Variants in CLPB observed in about 807,000 individuals in gnomAD.
CLPB encodes the protein ClpB family mitochondrial disaggregase.
Under a neutral mutation model 78.4 loss-of-function variants are expected in CLPB, and 40 were observed. That is an observed-to-expected ratio of 0.51 (90% CI 0.40 to 0.66). The LOEUF is 0.66. Among genes scored for constraint, CLPB ranks in the 30% least tolerant of loss-of-function variants. The pLI is 0.00. For missense variants in CLPB, 780 were observed against 886.9 expected, an observed-to-expected ratio of 0.88 and a Z score of 1.53; for synonymous variants, 333 against 348.0, an observed-to-expected ratio of 0.96 and a Z score of 0.48.
chr11:72,295,718 T>G, intron 11 of CLPB, 70 bp from the exon 12 acceptor site: 2 of 1,504,644 alleles, frequency 1.3e-6, no homozygotes, highest in Non-Finnish European at 1.8e-6. Context: ...CACTCTCAGT[T>G]CTCACCTCCT....
rs1949468320 is a variant in CLPB at position 72,292,560 on chromosome 11, C to A, written c.*807G>T. ...GTCAAACCCATGATCTCTCTTCCTACAGCTTCCTAATGTCTGCGATGTTGG... is the reference window on the plus strand; with the variant it reads ...GTCAAACCCATGATCTCTCTTCCTAAAGCTTCCTAATGTCTGCGATGTTGG... On this transcript the variant is annotated 3_prime_UTR_variant, in exon 16 of 16. Coordinates refer to ENST00000538039, the MANE Select transcript of CLPB (RefSeq NM_001258392.3). 6.6e-6 allele frequency: 1 copy of A among 152,360 alleles called. No homozygotes were observed. Among genetic ancestry groups the A allele is most frequent in the Non-Finnish European group, 1.5e-5 (1 of 68,160 alleles). The allele number at this position is 152,360 out of a possible 1,614,324, so 9.4% of individuals were successfully genotyped here. A position where few individuals can be genotyped will look rare whatever the true frequency, so the allele number is the denominator to read the frequency against.
Position 72,417,441 on chromosome 11 carries a change from ATGGGGAGTAACTACTAT to A in CLPB, c.455+12854_455+12870del, listed in dbSNP as rs561613389. ...TTGCAACATCTAGGGGGAGAGGAGA[ATGGGGAGTAACTACTAT>A]TGGAACCAGAGTTTTCTGAGGGTCC... is the stretch of plus-strand genomic sequence containing the variant. On this transcript the variant is annotated intron_variant, in intron 2 of 15. Coordinates refer to ENST00000538039, the MANE Select transcript of CLPB (RefSeq NM_001258392.3). 9.9e-5 allele frequency among the ~76,000 whole-genome samples: 15 copies of A among 152,198 alleles called. No homozygotes were observed. In the South Asian group the frequency reaches 3.1e-3, roughly 32 times the overall value.
rs188849798 is a variant in CLPB at position 72,416,533 on chromosome 11, C to T, written c.456-13481G>A. On this transcript the variant is annotated intron_variant, in intron 2 of 15. Transcript: ENST00000538039. Reference sequence around the variant, plus strand: ...GGCAGATCACCTGAGGTCAGGAGTTCGAGACAAGCCTGGCCAACATAGTGA... The same window carrying T: ...GGCAGATCACCTGAGGTCAGGAGTTTGAGACAAGCCTGGCCAACATAGTGA... Among the ~76,000 whole-genome samples the T allele has an allele frequency of 3.8e-3, 574 of 151,820 alleles. 5 individuals carry two copies. Among genetic ancestry groups the T allele is most frequent in the Admixed American group, 7.3e-3 (112 of 15,254 alleles).
chr11:72,302,274 ATGCTTC>A (rs1185076230), intron 10 of CLPB, 24 bp downstream of exon 10: 21 of 1,611,106 alleles, frequency 1.3e-5, no homozygotes, highest in Non-Finnish European at 1.8e-5. Context: ...CCTCCAAACC[ATGCTTC>A]AATCAAGGAC....
At chr11:72,422,165 C>A (rs562969687) in intron 2 of CLPB, among the ~76,000 whole-genome samples, 1 of 147,888 alleles carries the variant, frequency 6.8e-6, no homozygotes, top group South Asian at 2.2e-4. Flanking sequence ...ACTTGGGAGG[C>A]TGAGGCAGGA....
chr11:72,413,427 T>G (rs1288724070), intron 2 of CLPB, among the ~76,000 whole-genome samples: 1 of 152,230 alleles, frequency 6.6e-6, no homozygotes, highest in Admixed American at 6.5e-5. Context: ...TTTCAGATAC[T>G]ATGCCCCTTT....
chr11:72,372,803 GGCTGGGCACACAGTGGGT>G, intron 4 of CLPB: 1 of 857,436 alleles, frequency 1.2e-6, no homozygotes, highest in Non-Finnish European at 2.0e-6. Flanking sequence ...GCTTGGGTTA[GGCTGGGCACACAGTGGGT>G]GCTGGGTAGT....
At chr11:72,360,036 T>C (rs1296714653) in intron 4 of CLPB, among the ~76,000 whole-genome samples, 1 of 152,224 alleles carries the variant, frequency 6.6e-6, no homozygotes, top group African/African-American at 2.4e-5. Context: ...AATTAGAATG[T>C]TACCCCACCT....
chr11:72,366,411 T>C (rs961405674), intron 4 of CLPB, among the ~76,000 whole-genome samples: 5 of 151,948 alleles, frequency 3.3e-5, no homozygotes, highest in Non-Finnish European at 7.4e-5. Flanking sequence ...CCCTGTTTTC[T>C]AAAACAGGGT....
chr11:72,421,805 T>A (rs897550596), intron 2 of CLPB, among the ~76,000 whole-genome samples: 1 of 152,096 alleles, frequency 6.6e-6, no homozygotes, highest in South Asian at 2.1e-4. Context: ...TTGCCTTCCA[T>A]CACCAGGGAA....
intron 5 of CLPB, chr11:72,354,535 G>C (rs1950671677): frequency 1.0e-5 from 4 of 381,666 alleles, no homozygotes; most frequent in Admixed American, 4.5e-5. Flanking sequence ...GGCACTTGAA[G>C]TATGAGGCTC....
chr11:72,334,843 C>A (rs1950291241), intron 5 of CLPB, among the ~76,000 whole-genome samples: 1 of 152,218 alleles, frequency 6.6e-6, no homozygotes, highest in Non-Finnish European at 1.5e-5. Flanking sequence ...TGGTACAGGA[C>A]CCCTCCCCTC....
chr11:72,434,078 T>C lies in CLPB; in HGVS notation c.397A>G (p.Asn133Asp), dbSNP rs1319720318. 6.2e-7 allele frequency: 1 copy of C among 1,610,218 alleles called. No homozygotes were observed. The highest frequency in any genetic ancestry group is 8.5e-7 in the Non-Finnish European group (1 of 1,179,942). The stretch of plus-strand genomic sequence containing the variant: ...ACCCAGATCTCATAATCACCCTTGT[T>C]GGACGGACTCTTGCTGTAGCAATGA... Reference protein sequence around the residue: ...VVHCYSKSPSNKDAALLEAAR... With the variant: ...VVHCYSKSPSDKDAALLEAAR... Residue 133 changes from asparagine (N) to aspartate (D), a missense_variant, in exon 1 of 16, where the codon AAC (asparagine) becomes GAC (aspartate). Around this residue, in one of 3 missense-constraint regions of CLPB, gnomAD observed 417 missense variants for 414.7 expected, o/e 1.01. Transcript: ENST00000538039.
At chr11:72,349,780 G>A (rs1001557331) in intron 5 of CLPB, among the ~76,000 whole-genome samples, 1 of 152,262 alleles carries the variant, frequency 6.6e-6, no homozygotes. Flanking sequence ...GCAAAGGGCA[G>A]CTAGAAAATC....
At chr11:72,342,550 CAG>C (rs1454612359) in intron 5 of CLPB, among the ~76,000 whole-genome samples, 2 of 152,140 alleles carry the variant, frequency 1.3e-5, no homozygotes, top group Non-Finnish European at 2.9e-5. Context: ...CTTATCCCCA[CAG>C]TATAGCACAG....
chr11:72,426,702 C>G (rs1856387708), intron 2 of CLPB, among the ~76,000 whole-genome samples: 1 of 152,188 alleles, frequency 6.6e-6, no homozygotes, highest in African/African-American at 2.4e-5. Flanking sequence ...CAAGTAAGTG[C>G]CGCTGTGCTG....
At chr11:72,429,297 T>G (rs919861556) in intron 2 of CLPB, among the ~76,000 whole-genome samples, 1 of 152,216 alleles carries the variant, frequency 6.6e-6, no homozygotes, top group Non-Finnish European at 1.5e-5. Context: ...AACTAAGGCT[T>G]GAACATTAAT....
chr11:72,339,030 A>G (rs1950371196), intron 5 of CLPB, among the ~76,000 whole-genome samples: 1 of 152,208 alleles, frequency 6.6e-6, no homozygotes, highest in Non-Finnish European at 1.5e-5. Flanking sequence ...TCACTGATGG[A>G]TCAGAGGTCT....
At chr11:72,380,486 C>A in intron 3 of CLPB, 102 bp from the exon 4 acceptor site, 1 of 838,598 alleles carries the variant, frequency 1.2e-6, no homozygotes, top group East Asian at 2.6e-5. Flanking sequence ...TGTCTCTGCT[C>A]ATGTGAGTGA....
Sources: allele counts gnomAD v4.1 joint callset (sites outside exome capture counted in the v4.1 genomes callset), GRCh38; gene constraint gnomAD v4.1.1; regional missense constraint gnomAD v4.1.1; transcripts MANE v1.5; gene names NCBI Gene and HGNC (gene_info 2026-07-23, HGNC 2026-07-21).